COL22A1: variants seen among roughly 807,000 people sequenced by gnomAD.
The protein encoded by COL22A1 is collagen type XXII alpha 1 chain, also known as collagen alpha-1(XXII) chain.
A neutral mutation model predicts 248.9 loss-of-function variants in COL22A1; 221 were observed. The ratio of observed to expected loss-of-function variants is 0.89; its 90% CI spans 0.80 to 0.99. The LOEUF is 0.99. COL22A1 is among the 50% of genes least tolerant of loss of function. The pLI, the probability that COL22A1 is intolerant of heterozygous loss-of-function variation, is 0.00. For synonymous variants in COL22A1, 891 were observed against 793.4 expected, an observed-to-expected ratio of 1.12 and a Z score of -2.07; for missense variants, 2,240 against 2,179.0, an observed-to-expected ratio of 1.03 and a Z score of -0.56.
At chr8:138,659,383 T>C (rs1268284567) in intron 44 of COL22A1, among the ~76,000 whole-genome samples, 1 of 152,156 alleles carries the variant, frequency 6.6e-6, no homozygotes. Context: ...CTGGAATTTG[T>C]AGCAGGTCAG....
At chr8:138,870,695 A>C (rs565714223) in intron 3 of COL22A1, among the ~76,000 whole-genome samples, 32 of 151,596 alleles carry the variant, frequency 2.1e-4, no homozygotes, top group African/African-American at 7.5e-4. Context: ...TGTGTGGTGC[A>C]TATCTATGTG....
At position 138,877,906 on chromosome 8, in the gene COL22A1, C is replaced by T. The variant is rs780499327; in HGVS notation, c.502G>A (p.Ala168Thr). 2.5e-5 allele frequency: 40 copies of T among 1,610,174 alleles called. No homozygotes were observed. Among genetic ancestry groups the T allele is most frequent in the Middle Eastern group, 1.6e-4 (1 of 6,064 alleles). Reference protein sequence around the residue: ...VLDAAAAAHRAGIRIFAVGVG... With the variant: ...VLDAAAAAHRTGIRIFAVGVG... ...CCCACGGCAAAGATGCGGATGCCAG[C>T]GCGGTGGGCTGCCGCCGCGGCGTCC... is the stretch of plus-strand genomic sequence containing the variant. The change falls in exon 3 of 65, where the codon GCT becomes ACT. Residue 168 changes from alanine (A) to threonine (T), a missense_variant. By Grantham distance (58) the Ala-to-Thr change is moderately conservative. Coordinates refer to ENST00000303045, the MANE Select transcript of COL22A1 (RefSeq NM_152888.3).
chr8:138,903,705 A>G (rs1165755341), intron 1 of COL22A1, among the ~76,000 whole-genome samples: 1 of 152,096 alleles, frequency 6.6e-6, no homozygotes, highest in African/African-American at 2.4e-5. Flanking sequence ...CTCTCCTACT[A>G]TCAGTTGATG....
intron 23 of COL22A1, among the ~76,000 whole-genome samples, chr8:138,735,022 T>C (rs1399553813): frequency 6.6e-6 from 1 of 150,958 alleles, no homozygotes; most frequent in Non-Finnish European, 1.5e-5. Context: ...GTCAGTGGGT[T>C]GGGGGAAAGG....
At chr8:138,694,945 G>T (rs1827383944) in intron 32 of COL22A1, 66 bp from the exon 33 acceptor site, 2 of 1,522,796 alleles carry the variant, frequency 1.3e-6, no homozygotes, top group African/African-American at 1.4e-5. Flanking sequence ...CAGGGTACAT[G>T]TCCCCAGCTC....
chr8:138,829,943 T>G (rs2131807978), intron 5 of COL22A1, among the ~76,000 whole-genome samples: 1 of 152,346 alleles, frequency 6.6e-6, no homozygotes, highest in East Asian at 1.9e-4. Flanking sequence ...TGTGCATGTG[T>G]GTGTATATAT....
chr8:138,702,385 A>G (rs1828037999), intron 31 of COL22A1, among the ~76,000 whole-genome samples: 1 of 152,166 alleles, frequency 6.6e-6, no homozygotes, highest in African/African-American at 2.4e-5. Flanking sequence ...TGGAATAATG[A>G]TTTCGGTGTG....
chr8:138,685,605 C>T (rs935787551), intron 37 of COL22A1, among the ~76,000 whole-genome samples: 6 of 152,048 alleles, frequency 3.9e-5, no homozygotes, highest in African/African-American at 1.5e-4. Context: ...GGTCCTAATC[C>T]AATATGAGTA....
intron 50 of COL22A1, among the ~76,000 whole-genome samples, chr8:138,626,557 C>T (rs1820255598): frequency 6.6e-6 from 1 of 152,210 alleles, no homozygotes; most frequent in African/African-American, 2.4e-5. Flanking sequence ...TTAGTATCCA[C>T]AAGACCTGGG....
chr8:138,811,210 C>T (rs889772791), intron 9 of COL22A1, among the ~76,000 whole-genome samples: 1 of 114,146 alleles, frequency 8.8e-6, no homozygotes, highest in Non-Finnish European at 2.0e-5. Context: ...TGGTGGTGTT[C>T]ACAGAAATGC....
chr8:138,812,412 G>A (rs980760097), intron 8 of COL22A1, among the ~76,000 whole-genome samples: 3 of 152,196 alleles, frequency 2.0e-5, no homozygotes, highest in Non-Finnish European at 4.4e-5. Context: ...TATTATTTGA[G>A]TCTTTCAAGC....
chr8:138,608,057 T>G, intron 56 of COL22A1, 68 bp from the exon 57 acceptor site: 2 of 1,453,566 alleles, frequency 1.4e-6, no homozygotes, highest in South Asian at 2.3e-5. Flanking sequence ...AACAAAGAGA[T>G]AGACTGATGC....
intron 45 of COL22A1, among the ~76,000 whole-genome samples, chr8:138,651,572 G>A (rs1369827726): frequency 6.6e-6 from 1 of 152,222 alleles, no homozygotes; most frequent in Non-Finnish European, 1.5e-5. Flanking sequence ...GAGTGTATGA[G>A]ATATTCAGTT....
At chr8:138,710,816 AT>A (rs1828900486) in intron 30 of COL22A1, among the ~76,000 whole-genome samples, 3 of 152,106 alleles carry the variant, frequency 2.0e-5, no homozygotes, top group African/African-American at 7.2e-5. Context: ...GTATTATTTG[AT>A]TTTACCCAAT....
chr8:138,609,678 C>T (rs7006875), intron 56 of COL22A1, among the ~76,000 whole-genome samples: 3,871 of 152,316 alleles, frequency 0.025, 162 homozygotes, highest in African/African-American at 0.087. Context: ...AATTCTAGCC[C>T]TCCTCCTTCT....
At chr8:138,860,222 C>T (rs934636764) in intron 3 of COL22A1, among the ~76,000 whole-genome samples, 9 of 152,314 alleles carry the variant, frequency 5.9e-5, no homozygotes, top group Non-Finnish European at 1.3e-4. Flanking sequence ...GCTCTCTTTT[C>T]ACTTCTTTAA....
Position 138,601,734 on chromosome 8 carries a change from G to A in COL22A1, c.4185+381C>T, listed in dbSNP as rs79547883. 3.7e-3 allele frequency among the ~76,000 whole-genome samples: 560 copies of A among 152,280 alleles called. 3 individuals are homozygous for A. The highest frequency in any genetic ancestry group is 0.024 in the South Asian group (116 of 4,830). On this transcript the variant is annotated intron_variant, in intron 60 of 64. Coordinates refer to ENST00000303045, the MANE Select transcript of COL22A1 (RefSeq NM_152888.3). ...CCTTGTCACCTCCAGCGACAAATTT[G>A]GCTCCTGGCAAATTGGCACTTCGGG...
chr8:138,691,980 G>A (rs1312550431), intron 35 of COL22A1, among the ~76,000 whole-genome samples: 5 of 147,090 alleles, frequency 3.4e-5, no homozygotes, highest in Non-Finnish European at 7.5e-5. Context: ...GTGGAGGTGT[G>A]TGTATGTGTG....
In COL22A1 at chr8:138,696,745, C is replaced by G. The variant is rs75225090; in HGVS notation, c.2593-1866G>C. On this transcript the variant is annotated intron_variant, in intron 32 of 64. Transcript: ENST00000303045. ...GCGTTTGCAAAGTGTTTCACAGTGA[C>G]CAATACAGAGGAGGTTTCAACGGAT... Among the ~76,000 whole-genome samples the G allele has an allele frequency of 1.3e-4, 20 of 152,298 alleles. No individual in the cohort carries two copies. In the East Asian group the frequency reaches 3.9e-3, roughly 29 times the overall value.
Sources: allele counts gnomAD v4.1 joint callset (sites outside exome capture counted in the v4.1 genomes callset), GRCh38; gene constraint gnomAD v4.1.1; transcripts MANE v1.5; gene names NCBI Gene and HGNC (gene_info 2026-07-23, HGNC 2026-07-21).